Variants in MAPKBP1 observed in about 807,000 individuals in gnomAD.
MAPKBP1 encodes mitogen-activated protein kinase binding protein 1.
In MAPKBP1, 71 loss-of-function variants were observed where a neutral mutation model predicts 170.5. That is an observed-to-expected ratio of 0.42 (90% CI 0.34 to 0.51). The LOEUF is 0.51. Ranked by LOEUF, MAPKBP1 falls within the 20% of genes least tolerant of loss-of-function variation. MAPKBP1 has a pLI of 0.06. For synonymous variants in MAPKBP1, 719 were observed against 757.9 expected, an observed-to-expected ratio of 0.95 and a Z score of 0.84; for missense variants, 1,598 against 1,933.0, an observed-to-expected ratio of 0.83 and a Z score of 3.25.
In MAPKBP1 at chr15:41,775,273, A is replaced by G. The variant is rs756163326; in HGVS notation, c.-3A>G. 1.9e-6 allele frequency: 3 copies of G among 1,612,832 alleles called. No homozygotes were observed. The highest frequency in any genetic ancestry group is 2.5e-6 in the Non-Finnish European group (3 of 1,178,798). The stretch of plus-strand genomic sequence containing the variant: ...GGACTGTCCCAAAGGGTTTCTCGTC[A>G]TAATGGCTGTGGAAGGGTCAACCAT... On this transcript the variant is annotated 5_prime_UTR_variant, in exon 2 of 31. Transcript: ENST00000457542.
In MAPKBP1 at chr15:41,821,642, G is replaced by A. The variant is rs1176509337; in HGVS notation, c.2777G>A (p.Arg926Gln). The change falls in exon 24 of 31, where the codon CGA (arginine) becomes CAA (glutamine). Residue 926 changes from arginine (R) to glutamine (Q), a missense_variant. By Grantham distance (43) the Arg-to-Gln change is conservative. This residue lies in a region of MAPKBP1 where 942 missense variants were observed against 953.2 expected (regional missense o/e 0.99). Transcript: ENST00000457542. ...SQPCSYPHII[R>Q]LLSQEEGVFA... ...CCTTGTTCCTATCCCCATATTATCC[G>A]ATTATTGTCACAAGAGGAAGGGGTC... The A allele has an allele frequency of 3.1e-6, 5 of 1,614,062 alleles. No individual in the cohort carries two copies. Among genetic ancestry groups the A allele is most frequent in the East Asian group, 4.5e-5 (2 of 44,874 alleles).
chr15:41,819,201 CT>C, intron 20 of MAPKBP1, 44 bp from the exon 21 acceptor site: 1 of 1,604,898 alleles, frequency 6.2e-7, no homozygotes, highest in Non-Finnish European at 8.5e-7. Flanking sequence ...TCCTCTCCCC[CT>C]ATTGAGTCTC....
At chr15:41,788,925 T>C (rs2064346327) in intron 2 of MAPKBP1, among the ~76,000 whole-genome samples, 1 of 152,192 alleles carries the variant, frequency 6.6e-6, no homozygotes. Flanking sequence ...AATCCATTGC[T>C]ATATCCAGGA....
At chr15:41,820,357 G>A (rs1195983142) in intron 22 of MAPKBP1, among the ~76,000 whole-genome samples, 1 of 152,158 alleles carries the variant, frequency 6.6e-6, no homozygotes, top group Non-Finnish European at 1.5e-5. Flanking sequence ...AGTGATTGGG[G>A]TAGAGAGGCA....
Position 41,823,129 on chromosome 15 carries a change from C to T in MAPKBP1, c.3505C>T (p.Pro1169Ser), listed in dbSNP as rs762002488. 1 of 1,613,776 alleles carries T rather than the reference C, an allele frequency of 6.2e-7. No individual in the cohort carries two copies. The highest frequency in any genetic ancestry group is 8.5e-7 in the Non-Finnish European group (1 of 1,180,024). The change falls in exon 28 of 31, where the codon CCT becomes TCT. Residue 1169 changes from proline (P) to serine (S), a missense_variant. Pro to Ser is a moderately conservative substitution (Grantham distance 74). Around this residue, in one of 6 missense-constraint regions of MAPKBP1, gnomAD observed 942 missense variants for 953.2 expected, o/e 0.99. Coordinates refer to ENST00000457542, the MANE Select transcript of MAPKBP1 (RefSeq NM_014994.3). Reference protein sequence around the residue: ...SVLLPRCRLNPDSSWAPKRVA... With the variant: ...SVLLPRCRLNSDSSWAPKRVA... ...GCTGTTGCCACGATGCCGTCTCAAC[C>T]CTGACAGCAGCTGGGCTCCCAAGAG...
chr15:41,786,024 G>T (rs920630619), intron 2 of MAPKBP1, among the ~76,000 whole-genome samples: 14 of 152,128 alleles, frequency 9.2e-5, no homozygotes, highest in African/African-American at 3.1e-4. Context: ...TCAATAAGAT[G>T]AAATTCCTTG....
At chr15:41,812,228 G>A in intron 6 of MAPKBP1, 101 bp downstream of exon 6, 1 of 1,453,192 alleles carries the variant, frequency 6.9e-7, no homozygotes, top group South Asian at 1.3e-5. Context: ...CCACCCCACT[G>A]AACCATTCTC....
intron 2 of MAPKBP1, among the ~76,000 whole-genome samples, chr15:41,777,340 C>CAA (rs55744466): frequency 8.2e-5 from 7 of 85,218 alleles, no homozygotes; most frequent in Non-Finnish European, 1.2e-4. Context: ...GACTCCGTCT[C>CAA]AAAAAAAAAA....
chr15:41,807,881 A>G (rs1047641497), intron 3 of MAPKBP1, among the ~76,000 whole-genome samples: 2 of 151,912 alleles, frequency 1.3e-5, no homozygotes, highest in African/African-American at 4.8e-5. Context: ...TACTAAAAAT[A>G]TAAAAAAATT....
intron 6 of MAPKBP1, 46 bp downstream of exon 6, chr15:41,812,173 T>G: frequency 6.2e-7 from 1 of 1,609,836 alleles, no homozygotes; most frequent in Non-Finnish European, 8.5e-7. Flanking sequence ...AGGGGTCAAG[T>G]GTCAGCTGGG....
At chr15:41,802,791 T>A (rs1260109037) in intron 3 of MAPKBP1, among the ~76,000 whole-genome samples, 1 of 152,250 alleles carries the variant, frequency 6.6e-6, no homozygotes, top group Non-Finnish European at 1.5e-5. Flanking sequence ...ATTTTCTTTT[T>A]ATCTTCTATA....
intron 2 of MAPKBP1, among the ~76,000 whole-genome samples, chr15:41,788,424 T>C (rs1430074910): frequency 6.6e-6 from 1 of 152,176 alleles, no homozygotes; most frequent in African/African-American, 2.4e-5. Flanking sequence ...CCATAAAGAA[T>C]AGAAGTTCTT....
rs947246938 is a variant in MAPKBP1, at chr15:41,818,370, CT to C, written c.2092+66del. 11 of 1,441,934 alleles carry C rather than the reference CT, an allele frequency of 7.6e-6. No individual in the cohort carries two copies. Among genetic ancestry groups the C allele is most frequent in the Admixed American group, 6.8e-5 (4 of 58,976 alleles). 89.3% of individuals were successfully genotyped at this position (1,441,934 alleles called of 1,614,324 possible). ...GCGTAAACCTGAGTGAGTTCCACCC[CT>C]GGAACTTCACTCTTCTATTAGTTTC... On this transcript the variant is annotated intron_variant, in intron 18 of 30. Coordinates refer to ENST00000457542, the MANE Select transcript of MAPKBP1 (RefSeq NM_014994.3). The surrounding 1 kb of genome is among the most constrained non-coding windows in gnomAD (Gnocchi z 5.2).
chr15:41,808,885 G>T (rs2064752984), intron 3 of MAPKBP1, among the ~76,000 whole-genome samples: 1 of 151,806 alleles, frequency 6.6e-6, no homozygotes, highest in African/African-American at 2.4e-5. Flanking sequence ...GGGCAACATG[G>T]CAAAACCCCA....
intron 2 of MAPKBP1, among the ~76,000 whole-genome samples, chr15:41,785,751 G>A (rs776489850): frequency 1.8e-4 from 28 of 152,092 alleles, no homozygotes; most frequent in Non-Finnish European, 2.9e-5. Flanking sequence ...ACATGAAGAT[G>A]TGAAGATATA....
intron 2 of MAPKBP1, among the ~76,000 whole-genome samples, chr15:41,799,612 G>A (rs550852801): frequency 8.0e-4 from 122 of 152,300 alleles, no homozygotes; most frequent in South Asian, 2.1e-3. Context: ...GAGCCCTGCC[G>A]AAAATAGGTG....
Position 41,818,544 on chromosome 15 carries a change from T to C in MAPKBP1, c.2118T>C (p.Ser706=). The C allele has an allele frequency of 2.5e-6, 4 of 1,613,402 alleles. No homozygotes were observed. In the South Asian group the frequency reaches 4.4e-5, roughly 18 times the overall value. Residue 706 remains serine (S), a synonymous_variant, in exon 19 of 31, where the codon AGT becomes AGC. Transcript: ENST00000457542. The surrounding 1 kb of genome is among the most constrained non-coding windows in gnomAD (Gnocchi z 5.2). The part of the protein sequence containing the change: ...HSEIVTGMKF[S]NDCKHLISVS... ...AGATTGTCACTGGCATGAAATTTAG[T>C]AATGATTGTAAACATCTCATCTCTG...
At chr15:41,822,201 C>CCT (rs753585876) in intron 25 of MAPKBP1, 24 bp from the exon 26 acceptor site, 2 of 1,606,584 alleles carry the variant, frequency 1.2e-6, no homozygotes, top group South Asian at 2.2e-5. Flanking sequence ...CAGTGCGATG[C>CCT]CTCTCTCCCC....
intron 2 of MAPKBP1, among the ~76,000 whole-genome samples, chr15:41,787,213 C>G (rs2064314332): frequency 6.6e-6 from 1 of 152,024 alleles, no homozygotes; most frequent in Non-Finnish European, 1.5e-5. Context: ...AGTACATGTG[C>G]TTTCTGAAAA....
Sources: gnomAD v4.1 joint callset for allele counts (sites outside exome capture counted in the v4.1 genomes callset) on GRCh38, gnomAD v4.1.1 for gene constraint, gnomAD v4.1.1 regional missense constraint, Gnocchi (gnomAD v3.1) non-coding constraint, MANE v1.5 for transcripts, NCBI Gene and HGNC (gene_info 2026-07-23, HGNC 2026-07-21) for gene names.